Variants in CNTNAP1 observed in about 807,000 individuals in gnomAD.
CNTNAP1 encodes the protein contactin associated protein 1.
Under a neutral mutation model 161.5 loss-of-function variants are expected in CNTNAP1, and 80 were observed. That is an observed-to-expected ratio of 0.50 (90% CI 0.41 to 0.60). The LOEUF (loss-of-function observed/expected upper bound fraction) is 0.60. Among genes scored for constraint, CNTNAP1 ranks in the 20% least tolerant of loss-of-function variants. The probability of loss-of-function intolerance (pLI) is 0.00; values close to 1 mark genes in which losing one functional copy is unlikely to be tolerated. For synonymous variants in CNTNAP1, 695 were observed against 733.1 expected (o/e 0.95, Z 0.84); for missense variants, 1,464 against 1,854.8 (o/e 0.79, Z 3.87).
chr17:42,683,088 C>A, intron 1 of CNTNAP1, 192 bp downstream of exon 1: 1 of 637,122 alleles, frequency 1.6e-6, no homozygotes, highest in Non-Finnish European at 2.7e-6. Context: ...GCGCCCGGGG[C>A]TGGGGCTGGG....
In CNTNAP1 at chr17:42,691,662, C is replaced by T; in HGVS notation, c.2345-144C>T. The T allele has an allele frequency of 7.3e-7, 1 of 1,364,104 alleles. No homozygotes were observed. Among genetic ancestry groups the T allele is most frequent in the Non-Finnish European group, 1.0e-6 (1 of 980,660 alleles). The allele number at this position is 1,364,104 out of a possible 1,614,324, so 84.5% of individuals were successfully genotyped here. A position where few individuals can be genotyped will look rare whatever the true frequency, so the allele number is the denominator to read the frequency against. ...CTCATTACCCCTCTGCACCTGGCTC[C>T]TCTTTCATTCCACTCCTTAGTCTCC... is the stretch of plus-strand genomic sequence containing the variant. On this transcript the variant is annotated intron_variant, in intron 15 of 23. Transcript: ENST00000264638. This position sits in a 1 kb window ranked among gnomAD's most constrained non-coding sequence, Gnocchi z 4.3.
At chr17:42,698,059 G>A (rs889307739) in intron 23 of CNTNAP1, 109 bp downstream of exon 23, 23 of 1,171,702 alleles carry the variant, frequency 2.0e-5, no homozygotes, top group Non-Finnish European at 2.8e-5. Context: ...GGCACTAGAT[G>A]CACAATGGCA....
intron 18 of CNTNAP1, among the ~76,000 whole-genome samples, chr17:42,695,310 G>A (rs1008826555): frequency 8.5e-5 from 13 of 152,184 alleles, no homozygotes; most frequent in Admixed American, 2.0e-4. Flanking sequence ...TTTGTAAAAT[G>A]CAGGGGTTGG....
rs1282411044 is a variant in CNTNAP1, at chr17:42,699,798, A to T, written c.*888A>T. 1.3e-5 allele frequency: 2 copies of T among 152,746 alleles called. No homozygotes were observed. Among genetic ancestry groups the T allele is most frequent in the African/African-American group, 2.4e-5 (1 of 41,468 alleles). The allele number at this position is 152,746 out of a possible 1,614,324, so 9.5% of individuals were successfully genotyped here. A position where few individuals can be genotyped will look rare whatever the true frequency, so the allele number is the denominator to read the frequency against. ...TTTAAATTATTTGTTTATATATAAA[A>T]GAAAAGCTCAATTGGCTGTGCTGTC... On this transcript the variant is annotated 3_prime_UTR_variant, in exon 24 of 24. Coordinates refer to ENST00000264638, the MANE Select transcript of CNTNAP1 (RefSeq NM_003632.3).
chr17:42,698,026 C>T, intron 23 of CNTNAP1, 76 bp downstream of exon 23: 7 of 1,538,316 alleles, frequency 4.6e-6, no homozygotes, highest in Non-Finnish European at 6.3e-6. Flanking sequence ...TGCCCCTGAT[C>T]CCCAAGGCTG....
chr17:42,697,874 T>G, intron 22 of CNTNAP1, 29 bp from the exon 23 acceptor site: 1 of 1,614,048 alleles, frequency 6.2e-7, no homozygotes, highest in Non-Finnish European at 8.5e-7. Flanking sequence ...GGAGGAGGCA[T>G]CTCCTAACTG....
rs2053169066 is a variant in CNTNAP1, at chr17:42,697,694, G to A, written c.3709G>A (p.Glu1237Lys). The A allele has an allele frequency of 6.2e-7, 1 of 1,614,196 alleles. No individual in the cohort carries two copies. Among genetic ancestry groups the A allele is most frequent in the African/African-American group, 1.3e-5 (1 of 75,034 alleles). The change falls in exon 22 of 24, where the codon GAG becomes AAG. Residue 1237 changes from glutamate (E) to lysine (K), a missense_variant. By Grantham distance (56) the Glu-to-Lys change is moderately conservative. This residue lies in a region of CNTNAP1 where 1,383 missense variants were observed against 1,765.0 expected (regional missense o/e 0.78). Coordinates refer to ENST00000264638, the MANE Select transcript of CNTNAP1 (RefSeq NM_003632.3). Reference sequence around the variant, plus strand: ...TCGACCCATGACTGCTGAGCTAGCTGAGGCCCTTCGAGTTCAGGGAGAACT... The same window carrying A: ...TCGACCCATGACTGCTGAGCTAGCTAAGGCCCTTCGAGTTCAGGGAGAACT... ...TPRPMTAELA[E>K]ALRVQGELSE...
chr17:42,686,076 C>A lies in CNTNAP1; in HGVS notation c.835C>A (p.Leu279Met), dbSNP rs1567970220. The part of the protein sequence containing the change: ...DRFGRDVNFT[L>M]DGYVQRFILN... Reference sequence around the variant, plus strand: ...ATTTGGCCGCGATGTAAATTTCACCCTGGACGGCTATGTGCAGCGCTTTAT... The same window carrying A: ...ATTTGGCCGCGATGTAAATTTCACCATGGACGGCTATGTGCAGCGCTTTAT... Residue 279 changes from leucine (L) to methionine (M), a missense_variant, in exon 6 of 24, where the codon CTG (leucine) becomes ATG (methionine). Leu to Met is a conservative substitution (Grantham distance 15, BLOSUM62 2). This residue lies in a region of CNTNAP1 where 1,383 missense variants were observed against 1,765.0 expected (regional missense o/e 0.78). Transcript: ENST00000264638. 6.2e-7 allele frequency: 1 copy of A among 1,614,192 alleles called. No homozygotes were observed. The highest frequency in any genetic ancestry group is 8.5e-7 in the Non-Finnish European group (1 of 1,180,036).
Position 42,691,212 on chromosome 17 carries a change from T to C in CNTNAP1, c.2135T>C (p.Ile712Thr), listed in dbSNP as rs772908052. The C allele has an allele frequency of 2.5e-6, 4 of 1,614,158 alleles. No individual in the cohort carries two copies. In the East Asian group the frequency reaches 8.9e-5, roughly 36 times the overall value. Residue 712 changes from isoleucine to threonine, a missense_variant, in exon 14 of 24, where the codon ATC becomes ACC. Around this residue, in one of 3 missense-constraint regions of CNTNAP1, gnomAD observed 1,383 missense variants for 1,765.0 expected, o/e 0.78. Transcript: ENST00000264638. The surrounding 1 kb of genome is among the most constrained non-coding windows in gnomAD (Gnocchi z 4.3). ...HFYWGGSQPGIQRCACGLDRS... is the reference protein window; with the variant it reads ...HFYWGGSQPGTQRCACGLDRS... Reference sequence around the variant, plus strand: ...TACTGGGGAGGCTCCCAGCCTGGGATCCAGCGCTGTGCCTGTGGTCTGGAC... The same window carrying C: ...TACTGGGGAGGCTCCCAGCCTGGGACCCAGCGCTGTGCCTGTGGTCTGGAC...
chr17:42,685,326 G>A lies in CNTNAP1; in HGVS notation c.621G>A (p.Glu207=). The part of the protein sequence containing the change: ...DVFAFSFKTE[E]KDGLLLHAEG... ...TCGCCTTCAGCTTCAAGACCGAGGA[G>A]AAGGACGGTCTTCTGCTGCACGCCG... Residue 207 remains glutamate (E), a synonymous_variant, in exon 5 of 24, where the codon GAG becomes GAA. Coordinates refer to ENST00000264638, the MANE Select transcript of CNTNAP1 (RefSeq NM_003632.3). The surrounding 1 kb of genome is among the most constrained non-coding windows in gnomAD (Gnocchi z 5.0). 1.9e-6 allele frequency: 3 copies of A among 1,612,280 alleles called. No individual in the cohort carries two copies. Among genetic ancestry groups the A allele is most frequent in the Non-Finnish European group, 1.7e-6 (2 of 1,180,014 alleles).
chr17:42,685,448 G>A lies in CNTNAP1; in HGVS notation c.715+28G>A. On this transcript the variant is annotated intron_variant, in intron 5 of 23. Transcript: ENST00000264638. The surrounding 1 kb of genome is among the most constrained non-coding windows in gnomAD (Gnocchi z 5.0). ...GAGCTCGGCGACCATGTGCGATGCG[G>A]AGCCAACCCCTGAAGCTCTCTCACC... 1 of 1,585,230 alleles carries A rather than the reference G, an allele frequency of 6.3e-7. No individual in the cohort carries two copies.
At position 42,697,683 on chromosome 17, in the gene CNTNAP1, C is replaced by T. The variant is rs750182361; in HGVS notation, c.3698C>T (p.Ala1233Val). 1 of 1,614,194 alleles carries T rather than the reference C, an allele frequency of 6.2e-7. No homozygotes were observed. The highest frequency in any genetic ancestry group is 1.7e-5 in the Admixed American group (1 of 60,026). ...TTCCGAACCCCTCGACCCATGACTG[C>T]TGAGCTAGCTGAGGCCCTTCGAGTT... Reference protein sequence around the residue: ...THFRTPRPMTAELAEALRVQG... With the variant: ...THFRTPRPMTVELAEALRVQG... Residue 1233 changes from alanine (A) to valine (V), a missense_variant, in exon 22 of 24, where the codon GCT becomes GTT. Ala to Val is a moderately conservative substitution (Grantham distance 64, BLOSUM62 0). Coordinates refer to ENST00000264638, the MANE Select transcript of CNTNAP1 (RefSeq NM_003632.3).
In CNTNAP1 at chr17:42,699,266, T is replaced by G; in HGVS notation, c.*356T>G. Reference sequence around the variant, plus strand: ...TGTAGGGGAGATTAACTGCCTCCCTTCCAATAGACACTATCAGCAGGGACA... The same window carrying G: ...TGTAGGGGAGATTAACTGCCTCCCTGCCAATAGACACTATCAGCAGGGACA... On this transcript the variant is annotated 3_prime_UTR_variant, in exon 24 of 24. Transcript: ENST00000264638. 1 of 195,260 alleles carries G rather than the reference T, an allele frequency of 5.1e-6. No homozygotes were observed. The allele number at this position is 195,260 out of a possible 1,614,324, so 12.1% of individuals were successfully genotyped here.
rs1290176252 is a variant in CNTNAP1, at chr17:42,695,805, G to T, written c.3277G>T (p.Ala1093Ser). ...CTCCTTCAGCTTCAGCACCAGCTCC[G>T]CCCCTGCTGTCCTGCTCTACGTCAG... ...EVSFSFSTSS[A>S]PAVLLYVSSF... The change falls in exon 19 of 24, where the codon GCC becomes TCC. Residue 1093 changes from alanine (A) to serine (S), a missense_variant. Physicochemically the swap from Ala to Ser is moderately conservative, Grantham distance 99 (BLOSUM62 1). This residue lies in a region of CNTNAP1 where 1,383 missense variants were observed against 1,765.0 expected (regional missense o/e 0.78). Transcript: ENST00000264638. 16 of 1,614,178 alleles carry T rather than the reference G, an allele frequency of 9.9e-6. No individual in the cohort carries two copies. Among genetic ancestry groups the T allele is most frequent in the East Asian group, 2.2e-5 (1 of 44,892 alleles).
chr17:42,686,338 A>C (rs1408857484), intron 6 of CNTNAP1, among the ~76,000 whole-genome samples, 197 bp downstream of exon 6: 1 of 152,064 alleles, frequency 6.6e-6, no homozygotes, highest in East Asian at 1.9e-4. Flanking sequence ...CAGGTGTTCA[A>C]GACTCACCTG....
At position 42,696,166 on chromosome 17, in the gene CNTNAP1, G is replaced by A. The variant is rs867841420; in HGVS notation, c.3474+14G>A. On this transcript the variant is annotated intron_variant, in intron 20 of 23. Transcript: ENST00000264638. Reference sequence around the variant, plus strand: ...CTCTTCATCCAGGTATGCATAGAGGGAGGTGAGCCAGTTCAGATCATAACC... The same window carrying A: ...CTCTTCATCCAGGTATGCATAGAGGAAGGTGAGCCAGTTCAGATCATAACC... 1.2e-6 allele frequency: 2 copies of A among 1,614,096 alleles called. No homozygotes were observed. Among genetic ancestry groups the A allele is most frequent in the Middle Eastern group, 1.7e-4 (1 of 6,058 alleles).
chr17:42,698,277 G>A (rs925080648), intron 23 of CNTNAP1, among the ~76,000 whole-genome samples: 3 of 152,202 alleles, frequency 2.0e-5, no homozygotes, highest in Non-Finnish European at 4.4e-5. Context: ...GTAACACCTA[G>A]AGAGATAAGA....
In CNTNAP1 at chr17:42,695,524, T is replaced by C. The variant is rs759759471; in HGVS notation, c.2996T>C (p.Ile999Thr). 7 of 1,602,490 alleles carry C rather than the reference T, an allele frequency of 4.4e-6. No homozygotes were observed. The African/African-American group carries it at 6.7e-5, about 15-fold the overall frequency. ...AFDGPYCNHDIGGFFEPGTWM... is the reference protein window; with the variant it reads ...AFDGPYCNHDTGGFFEPGTWM... ...ACCTCCCTGCTTCTACCTGCAGATA[T>C]TGGTGGTTTCTTTGAGCCGGGCACC... Residue 999 changes from isoleucine to threonine, a missense_variant, in exon 19 of 24, where the codon ATT (isoleucine) becomes ACT (threonine). Coordinates refer to ENST00000264638, the MANE Select transcript of CNTNAP1 (RefSeq NM_003632.3).
chr17:42,694,784 A>C lies in CNTNAP1; in HGVS notation c.2993-737A>C, dbSNP rs547555261. On this transcript the variant is annotated intron_variant, in intron 18 of 23. Coordinates refer to ENST00000264638, the MANE Select transcript of CNTNAP1 (RefSeq NM_003632.3). The stretch of plus-strand genomic sequence containing the variant: ...TAAGGTGAGCCTTGACATTCCCCAT[A>C]GCAAGATCCTACACACATGCCAAGA... Among the ~76,000 whole-genome samples the C allele has an allele frequency of 3.9e-5, 6 of 152,302 alleles. No homozygotes were observed. In the South Asian group the frequency reaches 1.2e-3, roughly 32 times the overall value.
Sources: gnomAD v4.1 joint callset for allele counts (sites outside exome capture counted in the v4.1 genomes callset) on GRCh38, gnomAD v4.1.1 for gene constraint, gnomAD v4.1.1 regional missense constraint, Gnocchi (gnomAD v3.1) non-coding constraint, MANE v1.5 for transcripts, NCBI Gene and HGNC (gene_info 2026-07-23, HGNC 2026-07-21) for gene names.